Variants in CSMD2 observed in about 807,000 individuals in gnomAD.
CSMD2 encodes the protein CUB and sushi domain-containing protein 2.
In CSMD2, 130 loss-of-function variants were observed where a neutral mutation model predicts 398.5. That is an observed-to-expected ratio of 0.33 (90% CI 0.28 to 0.38). The LOEUF (loss-of-function observed/expected upper bound fraction) is 0.38. Among genes scored for constraint, CSMD2 ranks in the 10% least tolerant of loss-of-function variants. The pLI, the probability that CSMD2 is intolerant of heterozygous loss-of-function variation, is 1.00. For missense variants in CSMD2, 3,829 were observed against 4,764.9 expected (o/e 0.80, Z 5.78); for synonymous variants, 1,828 against 1,908.5 (o/e 0.96, Z 1.10).
intron 25 of CSMD2, among the ~76,000 whole-genome samples, chr1:33,690,224 C>T (rs1202223124): frequency 6.6e-6 from 1 of 152,176 alleles, no homozygotes; most frequent in East Asian, 1.9e-4. Flanking sequence ...AGGTGATCAT[C>T]CAGCTGCGGG....
chr1:34,135,242 TCACACACACACACACACA>T (rs66898227), intron 1 of CSMD2, among the ~76,000 whole-genome samples: 7 of 135,490 alleles, frequency 5.2e-5, no homozygotes, highest in African/African-American at 1.1e-4. Flanking sequence ...CATGTTGAAA[TCACACACACACACACACA>T]CACACACACA....
intron 1 of CSMD2, among the ~76,000 whole-genome samples, chr1:34,153,616 G>C (rs11576524): frequency 0.26 from 39,156 of 152,140 alleles, 6,092 homozygotes; most frequent in East Asian, 0.43. Flanking sequence ...ACTGCCTGCT[G>C]AAGGAGTAAT....
In CSMD2 at chr1:33,616,995, G is replaced by T; in HGVS notation, c.5947-20C>A. Reference sequence around the variant, plus strand: ...GTGGCCCTGGAGGAATCAGGAACAGGGATGGGCTAGCTGTCCCCGTGGGCA... The same window carrying T: ...GTGGCCCTGGAGGAATCAGGAACAGTGATGGGCTAGCTGTCCCCGTGGGCA... On this transcript the variant is annotated intron_variant, in intron 38 of 70. Transcript: ENST00000373381. 6.2e-7 allele frequency: 1 copy of T among 1,609,940 alleles called. No homozygotes were observed. Among genetic ancestry groups the T allele is most frequent in the South Asian group, 1.1e-5 (1 of 90,972 alleles).
At position 33,663,079 on chromosome 1, in the gene CSMD2, C is replaced by T. The variant is rs776974759; in HGVS notation, c.4066G>A (p.Val1356Met). Residue 1356 changes from valine to methionine, a missense_variant, in exon 26 of 71, where the codon GTG becomes ATG. This residue lies in a region of CSMD2 where 2,001 missense variants were observed against 2,567.1 expected (regional missense o/e 0.78). Coordinates refer to ENST00000373381, the MANE Select transcript of CSMD2 (RefSeq NM_001281956.2). ...TCGTGAACCTCCTCTGTGTCAAACA[C>T]CAGGAAGTGTAGCCTGCACGGAGAG... The part of the protein sequence containing the change: ...AGCTIGLHFL[V>M]FDTEEVHDVL... The T allele has an allele frequency of 4.3e-6, 7 of 1,613,850 alleles. No homozygotes were observed. The highest frequency in any genetic ancestry group is 1.7e-5 in the Admixed American group (1 of 60,000).
intron 20 of CSMD2, 22 bp from the exon 21 acceptor site, chr1:33,714,797 C>A: frequency 6.2e-7 from 1 of 1,611,980 alleles, no homozygotes. Flanking sequence ...GCAGGAGATC[C>A]GGGCTCAGAG....
chr1:33,925,892 T>C (rs1184777915), intron 4 of CSMD2, among the ~76,000 whole-genome samples: 1 of 151,946 alleles, frequency 6.6e-6, no homozygotes, highest in Non-Finnish European at 1.5e-5. Flanking sequence ...AAAGTGTTAT[T>C]TTCTCTTTCT....
rs1260407987 is a variant in CSMD2, at chr1:33,652,360, C to T, written c.4549G>A (p.Val1517Ile). ...PGKECDWKVT[V>I]SPDYVIALVF... ...AGGGCGATGACGTAGTCTGGTGAGA[C>T]GGTCACTTTCCAGTCACACTCCTTG... The change falls in exon 28 of 71, where the codon GTC becomes ATC. Residue 1517 changes from valine (V) to isoleucine (I), a missense_variant. This residue lies in a region of CSMD2 where 2,001 missense variants were observed against 2,567.1 expected (regional missense o/e 0.78). Transcript: ENST00000373381. The T allele has an allele frequency of 6.2e-6, 10 of 1,614,164 alleles. No individual in the cohort carries two copies. Among genetic ancestry groups the T allele is most frequent in the Non-Finnish European group, 8.5e-6 (10 of 1,180,020 alleles).
intron 25 of CSMD2, among the ~76,000 whole-genome samples, chr1:33,682,136 G>T (rs185062482): frequency 1.3e-5 from 2 of 152,254 alleles, no homozygotes; most frequent in East Asian, 3.9e-4. Flanking sequence ...TTCTGATGCT[G>T]CTGGCATTCG....
chr1:34,047,887 G>T (rs1311699377), intron 2 of CSMD2, among the ~76,000 whole-genome samples: 2 of 152,210 alleles, frequency 1.3e-5, no homozygotes, highest in Admixed American at 1.3e-4. Context: ...AGAACAAATG[G>T]ATACAACCAG....
rs757313547 is a variant in CSMD2, at chr1:33,864,418, T to A, written c.921-17422A>T. ...AAAGCCCGATACCAGGAAGAAATGA[T>A]GAATTATGTTGGCAAGAGGAAGAAA... On this transcript the variant is annotated intron_variant, in intron 5 of 70. Coordinates refer to ENST00000373381, the MANE Select transcript of CSMD2 (RefSeq NM_001281956.2). 7 of 1,613,230 alleles carry A rather than the reference T, an allele frequency of 4.3e-6. No individual in the cohort carries two copies. The East Asian group carries it at 1.3e-4, about 31-fold the overall frequency.
At position 33,586,606 on chromosome 1, in the gene CSMD2, G is replaced by A. The variant is rs768520749; in HGVS notation, c.6949C>T (p.Arg2317Cys). ...GTAAAGCCAGGGAGGCATCTGTAGC[G>A]TACGATGTCACCTGTCAAAGAAAGA... ...NEEFNIGDIV[R>C]YRCLPGFTLV... The change falls in exon 46 of 71, where the codon CGC (arginine) becomes TGC (cysteine). Residue 2317 changes from arginine to cysteine, a missense_variant. By Grantham distance (180) the Arg-to-Cys change is radical. Coordinates refer to ENST00000373381, the MANE Select transcript of CSMD2 (RefSeq NM_001281956.2). 26 of 1,610,686 alleles carry A rather than the reference G, an allele frequency of 1.6e-5. No homozygotes were observed. Among genetic ancestry groups the A allele is most frequent in the South Asian group, 4.4e-5 (4 of 91,018 alleles).
chr1:33,685,171 C>T (rs532796568), intron 25 of CSMD2, among the ~76,000 whole-genome samples: 24 of 152,156 alleles, frequency 1.6e-4, no homozygotes, highest in South Asian at 2.1e-4. Flanking sequence ...TCTGGAGCTG[C>T]GGCAGCCAAC....
At chr1:33,664,343 G>A (rs550293161) in intron 25 of CSMD2, among the ~76,000 whole-genome samples, 1 of 152,030 alleles carries the variant, frequency 6.6e-6, no homozygotes, top group East Asian at 1.9e-4. Flanking sequence ...ACTATATCAT[G>A]GACAAAAACA....
chr1:33,698,276 T>C (rs1645489094), intron 24 of CSMD2, among the ~76,000 whole-genome samples: 1 of 152,204 alleles, frequency 6.6e-6, no homozygotes, highest in Non-Finnish European at 1.5e-5. Flanking sequence ...ATGGGTGTTC[T>C]TTATCTTACT....
chr1:34,083,036 C>G (rs1339498715), intron 2 of CSMD2, among the ~76,000 whole-genome samples: 1 of 151,374 alleles, frequency 6.6e-6, no homozygotes, highest in Non-Finnish European at 1.5e-5. Flanking sequence ...CCAAATCCCC[C>G]TCTCCGAGAA....
At chr1:34,070,069 G>A (rs1300814650) in intron 2 of CSMD2, among the ~76,000 whole-genome samples, 3 of 151,986 alleles carry the variant, frequency 2.0e-5, no homozygotes, top group Non-Finnish European at 2.9e-5. Context: ...AAATCTATCC[G>A]GCACTATCTA....
chr1:33,861,851 C>T (rs1278818655), intron 5 of CSMD2, among the ~76,000 whole-genome samples: 2 of 152,138 alleles, frequency 1.3e-5, no homozygotes, highest in East Asian at 3.9e-4. Flanking sequence ...GACCAGTGAC[C>T]TTCAGTCCAG....
chr1:33,952,732 C>G (rs779468595), intron 3 of CSMD2, among the ~76,000 whole-genome samples: 4 of 152,010 alleles, frequency 2.6e-5, no homozygotes, highest in Admixed American at 2.6e-4. Flanking sequence ...AAGCTCCATG[C>G]AAACAGAGAC....
At chr1:34,142,005 G>A (rs552373971) in intron 1 of CSMD2, among the ~76,000 whole-genome samples, 4 of 152,264 alleles carry the variant, frequency 2.6e-5, no homozygotes, top group South Asian at 2.1e-4. Context: ...TGGGCACCAC[G>A]TTGCACGGTG....
Sources: allele counts gnomAD v4.1 joint callset (sites outside exome capture counted in the v4.1 genomes callset), GRCh38; gene constraint gnomAD v4.1.1; regional missense constraint gnomAD v4.1.1; transcripts MANE v1.5; gene names NCBI Gene and HGNC (gene_info 2026-07-23, HGNC 2026-07-21).